TBC1D22A: variants seen among roughly 807,000 people sequenced by gnomAD.
The protein encoded by TBC1D22A is putative GTPase activator.
TBC1D22A carries 38 observed loss-of-function variants against 60.2 expected under a neutral mutation model. The observed-to-expected ratio is 0.63, with a 90% CI of 0.49 to 0.83. TBC1D22A has a LOEUF of 0.83. Among genes scored for constraint, TBC1D22A ranks in the 40% least tolerant of loss-of-function variants. TBC1D22A has a pLI of 0.00. For missense variants in TBC1D22A, 628 were observed against 701.0 expected, an observed-to-expected ratio of 0.90 and a Z score of 1.18; for synonymous variants, 302 against 281.7, an observed-to-expected ratio of 1.07 and a Z score of -0.72.
chr22:46,784,801 G>A (rs931425857), intron 1 of TBC1D22A, among the ~76,000 whole-genome samples: 2 of 152,198 alleles, frequency 1.3e-5, no homozygotes, highest in African/African-American at 2.4e-5. Flanking sequence ...GCTATTTGTA[G>A]GTCATGTCCC....
At chr22:46,781,193 C>T (rs2083922474) in intron 1 of TBC1D22A, among the ~76,000 whole-genome samples, 1 of 143,498 alleles carries the variant, frequency 7.0e-6, no homozygotes, top group Non-Finnish European at 1.5e-5. Context: ...AGTGCAGTTG[C>T]TGGTGCTGGT....
intron 11 of TBC1D22A, among the ~76,000 whole-genome samples, chr22:47,094,233 GT>G (rs2065086320): frequency 6.6e-6 from 1 of 152,212 alleles, no homozygotes; most frequent in Non-Finnish European, 1.5e-5. Context: ...TAAAACAAAT[GT>G]TAAGTTTTAA....
At chr22:46,908,522 G>A (rs75889704) in intron 7 of TBC1D22A, among the ~76,000 whole-genome samples, 4,154 of 152,274 alleles carry the variant, frequency 0.027, 189 homozygotes, top group African/African-American at 0.095. Flanking sequence ...GGATGACAGC[G>A]GACATCAAGC....
At chr22:47,040,069 T>G (rs9615122) in intron 11 of TBC1D22A, among the ~76,000 whole-genome samples, 3 of 150,728 alleles carry the variant, frequency 2.0e-5, no homozygotes, top group African/African-American at 4.9e-5. Context: ...CTCAGCCTCT[T>G]GAGTAGCTGG....
At chr22:47,075,625 G>A (rs2064173536) in intron 11 of TBC1D22A, among the ~76,000 whole-genome samples, 1 of 152,024 alleles carries the variant, frequency 6.6e-6, no homozygotes, top group Non-Finnish European at 1.5e-5. Context: ...ACAATAGAAG[G>A]CATAAAAGGA....
chr22:46,949,911 A>G (rs2072795700), intron 8 of TBC1D22A, among the ~76,000 whole-genome samples: 1 of 152,186 alleles, frequency 6.6e-6, no homozygotes, highest in Non-Finnish European at 1.5e-5. Flanking sequence ...CTGGGGCTGG[A>G]GCAGCCTGAG....
At chr22:46,965,629 G>A (rs2073764704) in intron 8 of TBC1D22A, among the ~76,000 whole-genome samples, 1 of 152,236 alleles carries the variant, frequency 6.6e-6, no homozygotes, top group South Asian at 2.1e-4. Flanking sequence ...AGTTTTATTG[G>A]TGAGCTTGGT....
intron 12 of TBC1D22A, among the ~76,000 whole-genome samples, chr22:47,153,883 G>A (rs149498308): frequency 2.1e-4 from 32 of 152,306 alleles, no homozygotes; most frequent in Admixed American, 6.5e-4. Flanking sequence ...GATGAGTCCC[G>A]TGTGGAGGCG....
At chr22:47,073,928 G>A (rs2064105962) in intron 11 of TBC1D22A, among the ~76,000 whole-genome samples, 1 of 152,148 alleles carries the variant, frequency 6.6e-6, no homozygotes, top group South Asian at 2.1e-4. Context: ...AGGAGTTTGA[G>A]ACCAGCCTGG....
intron 1 of TBC1D22A, among the ~76,000 whole-genome samples, chr22:46,791,518 G>A (rs2084405528): frequency 6.8e-6 from 1 of 147,872 alleles, no homozygotes; most frequent in Admixed American, 6.9e-5. Context: ...CCAAAGGGGT[G>A]CTAGCTAAGC....
intron 1 of TBC1D22A, among the ~76,000 whole-genome samples, chr22:46,784,507 G>A (rs1047074526): frequency 7.2e-5 from 11 of 152,190 alleles, no homozygotes; most frequent in African/African-American, 2.7e-4. Flanking sequence ...ATTTTGATTA[G>A]ATAAAATGGG....
chr22:47,078,534 A>G (rs2064322769), intron 11 of TBC1D22A, among the ~76,000 whole-genome samples: 1 of 152,072 alleles, frequency 6.6e-6, no homozygotes, highest in African/African-American at 2.4e-5. Flanking sequence ...AGTAAACCAA[A>G]TGGAATAGTG....
chr22:47,125,042 G>A (rs2066406780), intron 12 of TBC1D22A, among the ~76,000 whole-genome samples: 1 of 152,116 alleles, frequency 6.6e-6, no homozygotes. Flanking sequence ...TTCATGCTGA[G>A]GGTGAGCACA....
At chr22:46,902,906 G>T (rs1483221287) in intron 7 of TBC1D22A, among the ~76,000 whole-genome samples, 1 of 150,276 alleles carries the variant, frequency 6.7e-6, no homozygotes, top group Non-Finnish European at 1.5e-5. Context: ...ATATACAGTT[G>T]TCAATGAAAC....
chr22:46,912,918 A>G (rs1687205501), intron 8 of TBC1D22A, among the ~76,000 whole-genome samples: 1 of 152,194 alleles, frequency 6.6e-6, no homozygotes, highest in Admixed American at 6.5e-5. Context: ...TTTTGCTTAC[A>G]AGCTGAAAAT....
intron 10 of TBC1D22A, among the ~76,000 whole-genome samples, chr22:47,005,021 A>G (rs2061536636): frequency 6.6e-6 from 1 of 151,650 alleles, no homozygotes; most frequent in Middle Eastern, 3.2e-3. Flanking sequence ...ACATCCCTAT[A>G]CATATAGACA....
intron 11 of TBC1D22A, among the ~76,000 whole-genome samples, chr22:47,070,420 TCCCTGTTGTTTGGTTGGACGCTGTC>T (rs1176470995): frequency 9.3e-3 from 1,194 of 128,244 alleles, no homozygotes; most frequent in African/African-American, 0.015. Flanking sequence ...TCCAGGTTGT[TCCCTGTTGTTTGGTTGGACGCTGTC>T]CCCTGTTGTT....
chr22:46,999,174 A>G (rs1569319483), intron 10 of TBC1D22A, among the ~76,000 whole-genome samples: 1 of 152,180 alleles, frequency 6.6e-6, no homozygotes. Flanking sequence ...GAAATACTTG[A>G]ATTGATTTTC....
chr22:46,973,057 C>A (rs1466904735), intron 8 of TBC1D22A, among the ~76,000 whole-genome samples: 1 of 152,178 alleles, frequency 6.6e-6, no homozygotes, highest in Admixed American at 6.5e-5. Flanking sequence ...GAACCAAGAA[C>A]CGTGGGAGGT....
Sources: gnomAD v4.1 joint callset for allele counts (sites outside exome capture counted in the v4.1 genomes callset) on GRCh38, gnomAD v4.1.1 for gene constraint, MANE v1.5 for transcripts, NCBI Gene and HGNC (gene_info 2026-07-23, HGNC 2026-07-21) for gene names.